OPHN1: variants seen among roughly 807,000 people sequenced by gnomAD.
OPHN1 encodes oligophrenin 1.
A neutral mutation model predicts 60.7 loss-of-function variants in OPHN1; 11 were observed. The observed-to-expected ratio is 0.18, with a 90% CI of 0.11 to 0.30. OPHN1 has a LOEUF of 0.30. OPHN1 is among the 10% of genes least tolerant of loss of function. OPHN1 has a pLI of 1.00. For synonymous variants in OPHN1, 226 were observed against 222.6 expected (o/e 1.02, Z -0.14); for missense variants, 449 against 611.0 (o/e 0.73, Z 2.80).
intron 2 of OPHN1, among the ~76,000 whole-genome samples, chrX:68,406,073 A>G (rs1447483633): frequency 2.8e-5 from 3 of 108,427 alleles, no homozygotes; most frequent in Middle Eastern, 4.8e-3. Flanking sequence ...GCGTGAACCC[A>G]GGAGGCAGAG....
chrX:68,189,423 G>C (rs957638463), intron 15 of OPHN1, among the ~76,000 whole-genome samples: 1 of 110,298 alleles, frequency 9.1e-6, no homozygotes, highest in Non-Finnish European at 1.9e-5. Context: ...TGTTACATAT[G>C]TATACATGTG....
chrX:68,303,786 G>A (rs2078132388), intron 2 of OPHN1, among the ~76,000 whole-genome samples: 1 of 111,042 alleles, frequency 9.0e-6, no homozygotes, highest in African/African-American at 3.3e-5. Flanking sequence ...AATAAGCCAG[G>A]GACAAGAAAG....
At chrX:68,160,376 A>C (rs1288691010) in intron 15 of OPHN1, among the ~76,000 whole-genome samples, 1 of 111,481 alleles carries the variant, frequency 9.0e-6, no homozygotes, top group Non-Finnish European at 1.9e-5. Context: ...TAGAACAACT[A>C]GGCAGAAGAT....
rs140685014 is a variant in OPHN1, at chrX:68,292,034, A to C, written c.250+6967T>G. 9.1e-4 allele frequency among the ~76,000 whole-genome samples: 102 copies of C among 111,723 alleles called. 1 individual carries two copies. In the East Asian group the frequency reaches 0.024, roughly 26 times the overall value. ...TTTCAGAAATTGAATGCTATACAGGAAGTTCTTAGAGAACGATCAATGTTC... is the reference window on the plus strand; with the variant it reads ...TTTCAGAAATTGAATGCTATACAGGCAGTTCTTAGAGAACGATCAATGTTC... On this transcript the variant is annotated intron_variant, in intron 3 of 24. Coordinates refer to ENST00000355520, the MANE Select transcript of OPHN1 (RefSeq NM_002547.3).
intron 2 of OPHN1, among the ~76,000 whole-genome samples, chrX:68,426,733 T>G (rs1416192222): frequency 2.2e-5 from 2 of 92,443 alleles, no homozygotes; most frequent in Non-Finnish European, 4.4e-5. Context: ...TAGCTAAGAT[T>G]GGTAGTGTGT....
intron 20 of OPHN1, chrX:68,070,473 T>C (rs1251379053): frequency 1.7e-6 from 1 of 575,553 alleles, no homozygotes; most frequent in Non-Finnish European, 3.1e-6. Context: ...CAGAAAATGC[T>C]AAGTTGACTT....
intron 15 of OPHN1, among the ~76,000 whole-genome samples, chrX:68,154,720 A>G (rs2077300346): frequency 9.0e-6 from 1 of 111,650 alleles, no homozygotes; most frequent in Non-Finnish European, 1.9e-5. Flanking sequence ...GGTCAGGTCA[A>G]TACGTCTATG....
chrX:68,208,386 G>T (rs779777083), intron 9 of OPHN1, among the ~76,000 whole-genome samples: 12 of 111,703 alleles, frequency 1.1e-4, no homozygotes, highest in African/African-American at 3.9e-4. Context: ...CACTGTGCCC[G>T]GCCATTCCTC....
At chrX:68,408,828 G>C (rs1483886069) in intron 2 of OPHN1, among the ~76,000 whole-genome samples, 1 of 112,356 alleles carries the variant, frequency 8.9e-6, no homozygotes, top group East Asian at 2.8e-4. Context: ...AGGCGTGGTG[G>C]TGTGTGCCTG....
At chrX:68,384,815 A>G (rs763681140) in intron 2 of OPHN1, among the ~76,000 whole-genome samples, 7 of 111,806 alleles carry the variant, frequency 6.3e-5, no homozygotes, top group Non-Finnish European at 1.1e-4. Flanking sequence ...GCACTGGAAA[A>G]TCAAATATTG....
intron 15 of OPHN1, among the ~76,000 whole-genome samples, chrX:68,136,291 CTTT>C (rs779712280): frequency 3.1e-5 from 2 of 64,115 alleles, no homozygotes; most frequent in East Asian, 4.8e-4. Flanking sequence ...AATATCTTTT[CTTT>C]TTTTTTTTTT....
At chrX:68,378,044 C>T (rs935299865) in intron 2 of OPHN1, among the ~76,000 whole-genome samples, 3 of 112,035 alleles carry the variant, frequency 2.7e-5, no homozygotes, top group African/African-American at 9.7e-5. Flanking sequence ...TACAGTCCCA[C>T]CAACAGTGTA....
intron 20 of OPHN1, among the ~76,000 whole-genome samples, chrX:68,066,642 C>A (rs2076914122): frequency 9.0e-6 from 1 of 111,618 alleles, no homozygotes; most frequent in Non-Finnish European, 1.9e-5. Context: ...TATACCATGG[C>A]AGACCCTGTT....
At chrX:68,385,026 A>G (rs1485661964) in intron 2 of OPHN1, among the ~76,000 whole-genome samples, 3 of 111,175 alleles carry the variant, frequency 2.7e-5, no homozygotes, top group African/African-American at 9.8e-5. Context: ...CCATGTAACC[A>G]AAAACCACCT....
chrX:68,125,454 AAGAG>A (rs982285967), intron 15 of OPHN1, among the ~76,000 whole-genome samples: 1 of 111,898 alleles, frequency 8.9e-6, no homozygotes, highest in Non-Finnish European at 1.9e-5. Context: ...TTAAGATAAA[AAGAG>A]AGAATATCCC....
At chrX:68,392,316 A>C (rs1254676171) in intron 2 of OPHN1, among the ~76,000 whole-genome samples, 1 of 112,014 alleles carries the variant, frequency 8.9e-6, no homozygotes, top group African/African-American at 3.2e-5. Context: ...TATATAATAC[A>C]TATACAAAAT....
At chrX:68,171,490 C>A (rs1232075226) in intron 15 of OPHN1, among the ~76,000 whole-genome samples, 1 of 111,372 alleles carries the variant, frequency 9.0e-6, no homozygotes, top group Non-Finnish European at 1.9e-5. Context: ...AATCCCAGCA[C>A]TTTGGGAGGC....
Position 68,146,554 on chromosome X carries a change from T to A in OPHN1, c.1277-27222A>T, listed in dbSNP as rs186605476. Among the ~76,000 whole-genome samples the A allele has an allele frequency of 3.0e-4, 34 of 112,482 alleles. No individual in the cohort carries two copies. In the East Asian group the frequency reaches 4.8e-3, roughly 16 times the overall value. ...ATACTCTGGGATATGGATTAATACA[T>A]CTGACCCTTATCCCAAATTTAAAAG... On this transcript the variant is annotated intron_variant, in intron 15 of 24. Coordinates refer to ENST00000355520, the MANE Select transcript of OPHN1 (RefSeq NM_002547.3).
intron 2 of OPHN1, among the ~76,000 whole-genome samples, chrX:68,343,342 G>A (rs2078363985): frequency 9.2e-6 from 1 of 109,059 alleles, no homozygotes; most frequent in African/African-American, 3.3e-5. Flanking sequence ...CAGCACTTTG[G>A]GAGGCTGAGG....
Sources: allele counts gnomAD v4.1 joint callset (sites outside exome capture counted in the v4.1 genomes callset), GRCh38; gene constraint gnomAD v4.1.1; transcripts MANE v1.5; gene names NCBI Gene and HGNC (gene_info 2026-07-23, HGNC 2026-07-21).